B3GALT1: variants seen among roughly 807,000 people sequenced by gnomAD.
B3GALT1 encodes beta-1,3-galactosyltransferase 1.
In B3GALT1, 10 loss-of-function variants were observed where a neutral mutation model predicts 23.2. The ratio of observed to expected loss-of-function variants is 0.43; its 90% CI spans 0.27 to 0.73. The LOEUF is 0.73. B3GALT1 is among the 30% of genes least tolerant of loss of function. The pLI is 0.21. For synonymous variants in B3GALT1, 156 were observed against 141.5 expected, an observed-to-expected ratio of 1.10 and a Z score of -0.73; for missense variants, 299 against 405.4, an observed-to-expected ratio of 0.74 and a Z score of 2.25.
At chr2:167,845,493 G>A (rs977505672) in intron 4 of B3GALT1, among the ~76,000 whole-genome samples, 2 of 152,172 alleles carry the variant, frequency 1.3e-5, no homozygotes, top group Non-Finnish European at 1.5e-5. Context: ...ACCCAGAAGA[G>A]AGACAATATT....
intron 4 of B3GALT1, among the ~76,000 whole-genome samples, chr2:167,838,230 A>G (rs1169308095): frequency 6.6e-6 from 1 of 152,224 alleles, no homozygotes; most frequent in East Asian, 1.9e-4. Flanking sequence ...AAATTAATGA[A>G]TCCAGGAGCT....
chr2:167,304,765 C>A (rs1473551670), intron 1 of B3GALT1, among the ~76,000 whole-genome samples: 1 of 151,890 alleles, frequency 6.6e-6, no homozygotes, highest in African/African-American at 2.4e-5. Flanking sequence ...GGTTAGGGGA[C>A]CAAGAATTCT....
At chr2:167,637,437 G>A (rs1453886689) in intron 2 of B3GALT1, among the ~76,000 whole-genome samples, 2 of 151,926 alleles carry the variant, frequency 1.3e-5, no homozygotes, top group East Asian at 1.9e-4. Context: ...CATAGAACAT[G>A]TCATGATCAA....
intron 3 of B3GALT1, among the ~76,000 whole-genome samples, chr2:167,767,477 G>A (rs1687997678): frequency 6.6e-6 from 1 of 151,888 alleles, no homozygotes; most frequent in Non-Finnish European, 1.5e-5. Context: ...CTCTGATTGG[G>A]GCTCTTTTCA....
intron 2 of B3GALT1, among the ~76,000 whole-genome samples, chr2:167,553,070 A>G (rs1683777297): frequency 6.6e-6 from 1 of 152,166 alleles, no homozygotes; most frequent in Non-Finnish European, 1.5e-5. Flanking sequence ...TTATTGTATC[A>G]TCATCATTAA....
chr2:167,800,634 C>A (rs906742235), intron 3 of B3GALT1, among the ~76,000 whole-genome samples: 2 of 152,194 alleles, frequency 1.3e-5, no homozygotes, highest in Non-Finnish European at 2.9e-5. Flanking sequence ...GAAATGATTC[C>A]TCACTATTGG....
intron 1 of B3GALT1, among the ~76,000 whole-genome samples, chr2:167,387,257 A>G (rs557259465): frequency 2.6e-5 from 4 of 152,356 alleles, no homozygotes; most frequent in Non-Finnish European, 4.4e-5. Context: ...TACATGTAAA[A>G]TTAAATTAGT....
intron 2 of B3GALT1, among the ~76,000 whole-genome samples, chr2:167,512,362 C>G (rs2105354908): frequency 6.6e-6 from 1 of 150,756 alleles, no homozygotes; most frequent in African/African-American, 2.4e-5. Flanking sequence ...TATTTTTCAT[C>G]ATTATTCTAT....
At position 167,456,978 on chromosome 2, in the gene B3GALT1, G is replaced by A. The variant is rs115322167; in HGVS notation, c.-510-33199G>A. The stretch of plus-strand genomic sequence containing the variant: ...GAGGTCAAAGAGTGGGGCTAACCTC[G>A]CTTTCTGGCAACCAGATCCAATCCT... On this transcript the variant is annotated intron_variant, in intron 1 of 4. Coordinates refer to ENST00000392690, the MANE Select transcript of B3GALT1 (RefSeq NM_020981.4). 5.8e-3 allele frequency among the ~76,000 whole-genome samples: 890 copies of A among 152,186 alleles called. 10 individuals carry two copies. The highest frequency in any genetic ancestry group is 0.02 in the African/African-American group (851 of 41,536).
chr2:167,774,087 C>T (rs1688117922), intron 3 of B3GALT1, among the ~76,000 whole-genome samples: 3 of 152,098 alleles, frequency 2.0e-5, no homozygotes, highest in African/African-American at 7.2e-5. Context: ...TTTTTCATAA[C>T]CTGATATTCA....
At chr2:167,703,558 A>G (rs905289505) in intron 3 of B3GALT1, among the ~76,000 whole-genome samples, 3 of 152,214 alleles carry the variant, frequency 2.0e-5, no homozygotes, top group African/African-American at 4.8e-5. Flanking sequence ...GTTAGAATAG[A>G]TGACATCTGC....
At chr2:167,851,836 T>C (rs1439755298) in intron 4 of B3GALT1, among the ~76,000 whole-genome samples, 1 of 152,204 alleles carries the variant, frequency 6.6e-6, no homozygotes, top group South Asian at 2.1e-4. Flanking sequence ...ACTAGTCTTC[T>C]GAGACTGACA....
rs185033395 is a variant in B3GALT1, at chr2:167,647,752, G to C, written c.-352+786G>C. Among the ~76,000 whole-genome samples, 391 of 151,956 alleles carry C rather than the reference G, an allele frequency of 2.6e-3. 7 individuals are homozygous for C. Among genetic ancestry groups the C allele is most frequent in the East Asian group, 8.5e-3 (44 of 5,164 alleles). ...CCCAGTCACTCAATTTTTTTATAGAGTTTCTGCTCTCCTTTTATTTTTCTT... is the reference window on the plus strand; with the variant it reads ...CCCAGTCACTCAATTTTTTTATAGACTTTCTGCTCTCCTTTTATTTTTCTT... On this transcript the variant is annotated intron_variant, in intron 3 of 4. Transcript: ENST00000392690.
chr2:167,808,702 T>C (rs1385643806), intron 3 of B3GALT1, among the ~76,000 whole-genome samples: 1 of 151,882 alleles, frequency 6.6e-6, no homozygotes, highest in African/African-American at 2.4e-5. Flanking sequence ...CCTTTCTCTC[T>C]GGCTGCCCTT....
At chr2:167,716,434 ATC>A (rs1214675771) in intron 3 of B3GALT1, among the ~76,000 whole-genome samples, 3 of 152,162 alleles carry the variant, frequency 2.0e-5, no homozygotes, top group Admixed American at 1.3e-4. Flanking sequence ...TCATTATATA[ATC>A]TCTCTGTTTC....
chr2:167,496,544 A>G lies in B3GALT1; in HGVS notation c.-410+6267A>G, dbSNP rs113211986. ...TATAAGGAAGTTTTTAAACTCAATT[A>G]GGGTAATAGTCATTGATTACCTTCA... On this transcript the variant is annotated intron_variant, in intron 2 of 4. Transcript: ENST00000392690. Among the ~76,000 whole-genome samples the G allele has an allele frequency of 8.0e-3, 1,214 of 152,326 alleles. 20 individuals are homozygous for G. Among genetic ancestry groups the G allele is most frequent in the African/African-American group, 0.028 (1,153 of 41,574 alleles).
intron 2 of B3GALT1, among the ~76,000 whole-genome samples, chr2:167,562,077 T>A (rs1251796518): frequency 2.0e-5 from 3 of 152,162 alleles, no homozygotes; most frequent in Admixed American, 6.5e-5. Flanking sequence ...GGCAAACCAA[T>A]TCCAGCAGCA....
intron 3 of B3GALT1, among the ~76,000 whole-genome samples, chr2:167,768,078 G>T (rs1688008209): frequency 6.6e-6 from 1 of 152,204 alleles, no homozygotes; most frequent in East Asian, 1.9e-4. Context: ...CAAGTATGGG[G>T]CCCACCCACT....
intron 1 of B3GALT1, among the ~76,000 whole-genome samples, chr2:167,419,069 A>G (rs1013209367): frequency 3.3e-5 from 5 of 152,222 alleles, no homozygotes; most frequent in African/African-American, 1.2e-4. Context: ...TTATTAGGGA[A>G]GTGACTCTGA....
Sources: allele counts gnomAD v4.1 joint callset (sites outside exome capture counted in the v4.1 genomes callset), GRCh38; gene constraint gnomAD v4.1.1; transcripts MANE v1.5; gene names NCBI Gene and HGNC (gene_info 2026-07-23, HGNC 2026-07-21).